MS4A18: variants seen among roughly 807,000 people sequenced by gnomAD.
The protein encoded by MS4A18 is membrane spanning 4-domains A18.
A neutral mutation model predicts 13.1 loss-of-function variants in MS4A18; 27 were observed. The observed-to-expected ratio is 2.06, with a 90% CI of 1.52 to 2.84. The LOEUF is 2.84. Among genes scored for constraint, MS4A18 ranks in the 30% most tolerant of loss-of-function variants. MS4A18 has a pLI of 0.00. For missense variants in MS4A18, 307 were observed against 196.4 expected (o/e 1.56, Z -3.37); for synonymous variants, 126 against 76.5 (o/e 1.65, Z -3.38).
intron 1 of MS4A18, among the ~76,000 whole-genome samples, chr11:60,731,715 T>C (rs1226793590): frequency 6.6e-6 from 1 of 152,234 alleles, no homozygotes; most frequent in Non-Finnish European, 1.5e-5. Flanking sequence ...GGTGTTAACA[T>C]TGTTCTCAAA....
chr11:60,740,965 T>C (rs1205940307), intron 4 of MS4A18, 65 bp from the exon 6 acceptor site: 1 of 701,506 alleles, frequency 1.4e-6, no homozygotes, highest in East Asian at 2.7e-5. Flanking sequence ...GCACTCCAAA[T>C]GTGGACTGTC....
At chr11:60,742,290 C>T (rs1209609600) in intron 5 of MS4A18, among the ~76,000 whole-genome samples, 1 of 152,220 alleles carries the variant, frequency 6.6e-6, no homozygotes, top group Non-Finnish European at 1.5e-5. Flanking sequence ...CTTGATTTCT[C>T]AATCTGCTTC....
chr11:60,731,989 T>G (rs573777613), intron 1 of MS4A18, among the ~76,000 whole-genome samples: 1 of 152,104 alleles, frequency 6.6e-6, no homozygotes, highest in Non-Finnish European at 1.5e-5. Flanking sequence ...GAGTCAAGCA[T>G]GTCGCCTTAG....
At chr11:60,736,942 T>C (rs952704595) in intron 2 of MS4A18, 36 bp from the exon 4 acceptor site, 29 of 692,754 alleles carry the variant, frequency 4.2e-5, no homozygotes, top group Non-Finnish European at 6.0e-5. Flanking sequence ...TGCTGCACAA[T>C]TGGTCATTCT....
intron 1 of MS4A18, among the ~76,000 whole-genome samples, chr11:60,733,218 T>C (rs1853283269): frequency 6.6e-6 from 1 of 152,214 alleles, no homozygotes; most frequent in South Asian, 2.1e-4. Context: ...CAACCCGGGC[T>C]CGGCCCGTGT....
chr11:60,742,619 A>G (rs940910229), intron 5 of MS4A18, among the ~76,000 whole-genome samples: 4 of 152,208 alleles, frequency 2.6e-5, no homozygotes, highest in African/African-American at 9.6e-5. Flanking sequence ...GGTCTTAACA[A>G]AGGGCTGTAT....
intron 2 of MS4A18, among the ~76,000 whole-genome samples, chr11:60,735,301 G>A (rs1379126652): frequency 1.3e-5 from 2 of 151,522 alleles, no homozygotes; most frequent in South Asian, 2.1e-4. Context: ...TCTATGCCCC[G>A]AGAGGTAACC....
chr11:60,738,842 A>G, intron 3 of MS4A18, 60 bp from the exon 5 acceptor site: 2 of 694,074 alleles, frequency 2.9e-6, no homozygotes, highest in Admixed American at 2.0e-5. Context: ...GAGTCCCCAC[A>G]AGCCAGGCTT....
rs1287586801 is a variant in MS4A18 at position 60,729,531 on chromosome 11, T to C, written c.216T>C (p.Gly72=). The C allele has an allele frequency of 1.7e-5, 12 of 702,552 alleles. No individual in the cohort carries two copies. The Admixed American group carries it at 2.4e-4, about 14-fold the overall frequency. The allele number at this position is 702,552 out of a possible 1,614,324, so 43.5% of individuals were successfully genotyped here. The change falls in exon 1 of 6, where the codon GGT becomes GGC. Residue 72 remains glycine (G), a synonymous_variant. Coordinates refer to ENST00000529108, the Ensembl canonical transcript of MS4A18. ...TGGTGAACCAGAACTCAGCAGCAGG[T>C]GTACAGAGTCAACCCATTGGGTATC...
At chr11:60,732,511 C>T (rs1329453687) in intron 1 of MS4A18, among the ~76,000 whole-genome samples, 4 of 151,786 alleles carry the variant, frequency 2.6e-5, no homozygotes, top group African/African-American at 4.8e-5. Flanking sequence ...GGGCGGTTCA[C>T]GAGGTCAGGA....
intron 2 of MS4A18, among the ~76,000 whole-genome samples, chr11:60,736,206 T>C (rs1322335685): frequency 6.6e-6 from 1 of 152,050 alleles, no homozygotes; most frequent in African/African-American, 2.4e-5. Context: ...ATCCTTGTTC[T>C]CTCACTTGAA....
At chr11:60,725,249 A>ATCTCGCTCT (rs1853132928), upstream of MS4A18, among the ~76,000 whole-genome samples, 1 of 152,074 alleles carries the variant, frequency 6.6e-6, no homozygotes, top group African/African-American at 2.4e-5. Context: ...GCTGGAGTGC[A>ATCTCGCTCT]GTGGCGCGAT....
upstream of MS4A18, among the ~76,000 whole-genome samples, chr11:60,727,326 C>T (rs1853175579): frequency 6.6e-6 from 1 of 152,138 alleles, no homozygotes. Context: ...GAAGGTGCCA[C>T]TATTATGCAC....
exon 1 of MS4A18, chr11:60,729,332 T>C (rs1349223686): frequency 1.4e-6 from 1 of 702,412 alleles, no homozygotes; most frequent in Non-Finnish European, 2.6e-6. Flanking sequence ...GAACAGGTGA[T>C]TGGAGCCAAC....
At chr11:60,743,652 T>G (rs1035261606) in exon 6 of MS4A18, 1 of 702,282 alleles carries the variant, frequency 1.4e-6, no homozygotes. Context: ...TCTTTCAGAA[T>G]GTGGCAGTGA....
intron 3 of MS4A18, among the ~76,000 whole-genome samples, chr11:60,738,173 T>C (rs930173378): frequency 1.1e-4 from 16 of 152,196 alleles, no homozygotes; most frequent in Non-Finnish European, 2.9e-5. Context: ...TTCACCTTTC[T>C]CTCTTCATCC....
At chr11:60,729,532 G>A in exon 1 of MS4A18, 1 of 702,812 alleles carries the variant, frequency 1.4e-6, no homozygotes, top group Non-Finnish European at 2.6e-6. Context: ...AGCAGCAGGT[G>A]TACAGAGTCA....
chr11:60,739,460 T>G (rs902919073), intron 4 of MS4A18, among the ~76,000 whole-genome samples: 4 of 152,084 alleles, frequency 2.6e-5, no homozygotes, highest in Non-Finnish European at 5.9e-5. Context: ...TCAGAGGTTA[T>G]TCTAGGAAAC....
intron 2 of MS4A18, among the ~76,000 whole-genome samples, chr11:60,736,291 C>G (rs1590964009): frequency 1.3e-5 from 2 of 151,206 alleles, no homozygotes; most frequent in African/African-American, 4.9e-5. Context: ...GAGACTGAAG[C>G]TCAAGATCTT....
Sources: gnomAD v4.1 joint callset for allele counts (sites outside exome capture counted in the v4.1 genomes callset) on GRCh38, gnomAD v4.1.1 for gene constraint, MANE v1.5 for transcripts, NCBI Gene and HGNC (gene_info 2026-07-23, HGNC 2026-07-21) for gene names.